TTN: variants seen among roughly 807,000 people sequenced by gnomAD.
TTN encodes the protein connectin.
TTN carries 1,525 observed loss-of-function variants against 3,223.0 expected under a neutral mutation model. The observed-to-expected ratio is 0.47, with a 90% CI of 0.45 to 0.49. The LOEUF is 0.49. TTN is among the 20% of genes least tolerant of loss of function. TTN has a pLI of 0.00. For missense variants in TTN, 40,786 were observed against 43,424.0 expected, an observed-to-expected ratio of 0.94 and a Z score of 5.40; for synonymous variants, 14,094 against 15,161.0, an observed-to-expected ratio of 0.93 and a Z score of 5.17.
chr2:178,533,536 G>T lies in TTN; in HGVS notation c.103079C>A (p.Thr34360Asn). 6.2e-7 allele frequency: 1 copy of T among 1,613,868 alleles called. No homozygotes were observed. The highest frequency in any genetic ancestry group is 8.5e-7 in the Non-Finnish European group (1 of 1,179,834). ...TAACCTTTTGAACATGGGTCTTAAG[G>T]TACTATCTGTTGGAGGTGGGTGTAG... ...VTLHPPPTDS[T>N]LRPMFKRLLA... is the part of the protein sequence containing the mutation. Residue 34360 changes from threonine (T) to asparagine (N), a missense_variant, in exon 358 of 363, where the codon ACC (threonine) becomes AAC (asparagine). Physicochemically the swap from Thr to Asn is moderately conservative, Grantham distance 65. Coordinates refer to ENST00000589042, the MANE Select transcript of TTN (RefSeq NM_001267550.2).
rs772028677 is a variant in TTN, at chr2:178,702,063, A to G, written c.30515T>C (p.Ile10172Thr). The G allele has an allele frequency of 1.2e-6, 2 of 1,609,926 alleles. No individual in the cohort carries two copies. Among genetic ancestry groups the G allele is most frequent in the Non-Finnish European group, 1.7e-6 (2 of 1,178,516 alleles). ...ACCAGGAGGCTTCAGCTCAAGTTTGATTTCTGCAAAATAAAAAAAAAATGA... is the reference window on the plus strand; with the variant it reads ...ACCAGGAGGCTTCAGCTCAAGTTTGGTTTCTGCAAAATAAAAAAAAAATGA... ...TAELYLTTKE[I>T]KLELKPPDIP... The change falls in exon 109 of 363, where the codon ATC (isoleucine) becomes ACC (threonine). Residue 10172 changes from isoleucine (I) to threonine (T), a missense_variant. Physicochemically the swap from Ile to Thr is moderately conservative, Grantham distance 89 (BLOSUM62 -1). Coordinates refer to ENST00000589042, the MANE Select transcript of TTN (RefSeq NM_001267550.2).
In TTN at chr2:178,741,130, T is replaced by C. The variant is rs727503659; in HGVS notation, c.12103A>G (p.Met4035Val). The part of the protein sequence containing the change: ...ELLVLLEDTD[M>V]TDTPCKAKST... ...TTTGCTTTGCAGGGGGTATCAGTCATGTCTGTGTCTTCCAGAAGCACAAGC... is the reference window on the plus strand; with the variant it reads ...TTTGCTTTGCAGGGGGTATCAGTCACGTCTGTGTCTTCCAGAAGCACAAGC... Residue 4035 changes from methionine (M) to valine (V), a missense_variant, in exon 48 of 363, where the codon ATG (methionine) becomes GTG (valine). Physicochemically the swap from Met to Val is conservative, Grantham distance 21. Transcript: ENST00000589042. The C allele has an allele frequency of 3.0e-5, 48 of 1,613,616 alleles. No homozygotes were observed. The highest frequency in any genetic ancestry group is 1.6e-4 in the Middle Eastern group (1 of 6,080).
rs777923620 is a variant in TTN, at chr2:178,776,288, C to A, written c.5576G>T (p.Arg1859Met). ...GTAGCCTGTTACCCTGCAGCGGAAC[C>A]TTGCAGTCTCCCCTTCAAGTACTCT... ...PVRVLEGETA[R>M]FRCRVTGYPQ... Residue 1859 changes from arginine to methionine, a missense_variant, in exon 28 of 363, where the codon AGG becomes ATG. Coordinates refer to ENST00000589042, the MANE Select transcript of TTN (RefSeq NM_001267550.2). 1 of 1,614,096 alleles carries A rather than the reference C, an allele frequency of 6.2e-7. No homozygotes were observed. Among genetic ancestry groups the A allele is most frequent in the Admixed American group, 1.7e-5 (1 of 60,028 alleles).
Position 178,587,736 on chromosome 2 carries a change from A to G in TTN, c.63573T>C (p.Pro21191=), listed in dbSNP as rs1445410904. 1 of 1,612,740 alleles carries G rather than the reference A, an allele frequency of 6.2e-7. No individual in the cohort carries two copies. Among genetic ancestry groups the G allele is most frequent in the East Asian group, 2.2e-5 (1 of 44,650 alleles). Residue 21191 remains proline (P), a synonymous_variant, in exon 306 of 363, where the codon CCT becomes CCC. Transcript: ENST00000589042. Reference sequence around the variant, plus strand: ...CTCTCACTATAGCAAAGAGACGAATAGGGCATCCTGCTCTCACTATGACCA... The same window carrying G: ...CTCTCACTATAGCAAAGAGACGAATGGGGCATCCTGCTCTCACTATGACCA... The part of the protein sequence containing the change: ...RKLVIVRAGC[P]IRLFAIVRGR...
chr2:178,617,501 G>T lies in TTN; in HGVS notation c.47584C>A (p.Pro15862Thr). 1.3e-6 allele frequency: 2 copies of T among 1,585,268 alleles called. No homozygotes were observed. Among genetic ancestry groups the T allele is most frequent in the South Asian group, 1.2e-5 (1 of 84,390 alleles). ...TCTGAGGAAGTTAGGTTTACAGGAGGACTTGGTCTCTCTGGAATAAAAGAA... is the reference window on the plus strand; with the variant it reads ...TCTGAGGAAGTTAGGTTTACAGGAGTACTTGGTCTCTCTGGAATAAAAGAA... ...KVADPIERPS[P>T]PVNLTSSDQT... Residue 15862 changes from proline to threonine, a missense_variant, in exon 254 of 363, where the codon CCT becomes ACT. Pro to Thr is a conservative substitution (Grantham distance 38). Transcript: ENST00000589042.
chr2:178,590,875 T>C lies in TTN; in HGVS notation c.60850A>G (p.Thr20284Ala). Residue 20284 changes from threonine (T) to alanine (A), a missense_variant, in exon 304 of 363, where the codon ACT (threonine) becomes GCT (alanine). Thr to Ala is a moderately conservative substitution (Grantham distance 58). Transcript: ENST00000589042. ...CAAGACACTGTTGCTGCATTTTCAG[T>C]AATGTCAGTAACCACTGGTTTACCA... is the stretch of plus-strand genomic sequence containing the variant. ...PPGKPVVTDITENAATVSWTL... is the reference protein window; with the variant it reads ...PPGKPVVTDIAENAATVSWTL... 7.5e-6 allele frequency: 12 copies of C among 1,610,112 alleles called. No individual in the cohort carries two copies. The highest frequency in any genetic ancestry group is 9.3e-6 in the Non-Finnish European group (11 of 1,176,852).
chr2:178,707,348 G>A (rs2076033354), intron 100 of TTN, among the ~76,000 whole-genome samples, 178 bp downstream of exon 100: 1 of 152,170 alleles, frequency 6.6e-6, no homozygotes, highest in Admixed American at 6.5e-5. Context: ...ACTTTGTATT[G>A]ACATTATTTC....
rs1479425024 is a variant in TTN, at chr2:178,632,381, C to G, written c.43513G>C (p.Asp14505His). The G allele has an allele frequency of 6.3e-7, 1 of 1,598,874 alleles. No homozygotes were observed. The highest frequency in any genetic ancestry group is 8.5e-7 in the Non-Finnish European group (1 of 1,173,038). ...CTTTCCTTCTCTTTGGCAGTTACAT[C>G]TTTGAGAGGGGTGAGGAATTTGAGC... ...IRLKFLTPLK[D>H]VTAKEKESAV... Residue 14505 changes from aspartate (D) to histidine (H), a missense_variant, in exon 236 of 363, where the codon GAT becomes CAT. Physicochemically the swap from Asp to His is moderately conservative, Grantham distance 81. Transcript: ENST00000589042.
At chr2:178,717,912 T>C in intron 86 of TTN, 31 bp downstream of exon 86, 7 of 1,596,948 alleles carry the variant, frequency 4.4e-6, no homozygotes, top group Non-Finnish European at 6.0e-6. Flanking sequence ...ATGAATCTGT[T>C]CACACACACT....
rs568544502 is a variant in TTN, at chr2:178,545,398, T to C, written c.95712A>G (p.Arg31904=). The C allele has an allele frequency of 6.4e-7, 1 of 1,570,692 alleles. No individual in the cohort carries two copies. Among genetic ancestry groups the C allele is most frequent in the African/African-American group, 1.4e-5 (1 of 73,794 alleles). Residue 31904 remains arginine, a synonymous_variant, in exon 344 of 363, where the codon AGA becomes AGG. Coordinates refer to ENST00000589042, the MANE Select transcript of TTN (RefSeq NM_001267550.2). ...ATTCTTGGAGCTCACATGATGGTTCTCTGCATGAGATGAAGTTGGAAGCTT... is the reference window on the plus strand; with the variant it reads ...ATTCTTGGAGCTCACATGATGGTTCCCTGCATGAGATGAAGTTGGAAGCTT... ...PSEASNFISC[R]EPSYTPGPPS... is the part of the protein sequence containing the mutation.
In TTN at chr2:178,729,565, T is replaced by C. The variant is rs999871371; in HGVS notation, c.18591A>G (p.Glu6197=). 1 of 1,611,954 alleles carries C rather than the reference T, an allele frequency of 6.2e-7. No homozygotes were observed. Among genetic ancestry groups the C allele is most frequent in the Non-Finnish European group, 8.5e-7 (1 of 1,178,856 alleles). Residue 6197 remains glutamate, a splice_region_variant and synonymous_variant, in exon 64 of 363, where the codon GAA becomes GAG. Coordinates refer to ENST00000589042, the MANE Select transcript of TTN (RefSeq NM_001267550.2). The part of the protein sequence containing the change: ...ASCSIELKVK[E]PPTFIRELKP... ...TCAGCTCTCTGATAAAGGTGGGGGGTTCTAAAGATTCAAAAGGAAGACAGT... is the reference window on the plus strand; with the variant it reads ...TCAGCTCTCTGATAAAGGTGGGGGGCTCTAAAGATTCAAAAGGAAGACAGT...
At chr2:178,641,497 G>T (rs1387803194) in intron 219 of TTN, 182 bp from the exon 220 acceptor site, 1 of 416,802 alleles carries the variant, frequency 2.4e-6, no homozygotes, top group Non-Finnish European at 4.2e-6. Context: ...AAAATCAAAG[G>T]TTGTCAATTA....
At position 178,706,860 on chromosome 2, in the gene TTN, A is replaced by T; in HGVS notation, c.29134+2T>A. 6.2e-7 allele frequency: 1 copy of T among 1,611,686 alleles called. No individual in the cohort carries two copies. The highest frequency in any genetic ancestry group is 1.1e-5 in the South Asian group (1 of 90,652). On this transcript the variant is annotated splice_donor_variant, in intron 101 of 362. Transcript: ENST00000589042. LOFTEE classifies it high-confidence loss of function. ...GATGTACTTCTCATGAAGTGCACTTACTTTCTACGACTCTGATACTCTGAG... is the reference window on the plus strand; with the variant it reads ...GATGTACTTCTCATGAAGTGCACTTTCTTTCTACGACTCTGATACTCTGAG...
At position 178,740,763 on chromosome 2, in the gene TTN, G is replaced by A. The variant is rs771706692; in HGVS notation, c.12470C>T (p.Ser4157Phe). The A allele has an allele frequency of 7.4e-6, 12 of 1,613,570 alleles. No individual in the cohort carries two copies. The Admixed American group carries it at 1.8e-4, about 25-fold the overall frequency. ...ACCTTCTTTGGAGAAGGTTTTCTGGGACTGTACAATCTGCAGCTGTAGGTT... is the reference window on the plus strand; with the variant it reads ...ACCTTCTTTGGAGAAGGTTTTCTGGAACTGTACAATCTGCAGCTGTAGGTT... ...SPNLQLQIVQ[S>F]QKTFSKEGIL... Residue 4157 changes from serine (S) to phenylalanine (F), a missense_variant, in exon 48 of 363, where the codon TCC (serine) becomes TTC (phenylalanine). Transcript: ENST00000589042.
intron 152 of TTN, 94 bp from the exon 153 acceptor site, chr2:178,672,797 A>G: frequency 9.4e-7 from 1 of 1,060,430 alleles, no homozygotes; most frequent in Non-Finnish European, 1.4e-6. Flanking sequence ...TACAATAATT[A>G]AAGTTTTTCA....
Position 178,790,047 on chromosome 2 carries a change from T to C in TTN, c.1869A>G (p.Gln623=), listed in dbSNP as rs750034931. 2.5e-6 allele frequency: 4 copies of C among 1,613,194 alleles called. No homozygotes were observed. The African/African-American group carries it at 5.3e-5, about 22-fold the overall frequency. The part of the protein sequence containing the change: ...VIVATPKVKE[Q]DLVSRGREGI... ...CTTCTCTACCTCTTGATACTAAATC[T>C]TGTTCTTTGACTTTGGGTGTGGCAA... Residue 623 remains glutamine (Q), a synonymous_variant, in exon 12 of 363, where the codon CAA becomes CAG. Coordinates refer to ENST00000589042, the MANE Select transcript of TTN (RefSeq NM_001267550.2).
chr2:178,584,191 G>T, intron 311 of TTN, 85 bp downstream of exon 311: 1 of 1,437,080 alleles, frequency 7.0e-7, no homozygotes, highest in Non-Finnish European at 9.3e-7. Context: ...TCTGTGTCTT[G>T]GAGTCCAAAT....
intron 46 of TTN, among the ~76,000 whole-genome samples, chr2:178,754,577 C>T (rs1393259330): frequency 6.6e-6 from 1 of 152,100 alleles, no homozygotes; most frequent in Non-Finnish European, 1.5e-5. Flanking sequence ...TTTCTCCCAC[C>T]TTCACAACAC....
rs1485952946 is a variant in TTN, at chr2:178,577,114, G to T, written c.69221C>A (p.Ser23074Tyr). Residue 23074 changes from serine to tyrosine, a missense_variant, in exon 324 of 363, where the codon TCC becomes TAC. Coordinates refer to ENST00000589042, the MANE Select transcript of TTN (RefSeq NM_001267550.2). ...GGTTTCTCTCTTTTCAAGTATATAG[G>T]ACTTAATTGGTGAGCCGCCATCTTC... is the stretch of plus-strand genomic sequence containing the variant. ...PLEDGGSPIK[S>Y]YILEKRETSR... The T allele has an allele frequency of 1.2e-6, 2 of 1,613,162 alleles. No homozygotes were observed. The highest frequency in any genetic ancestry group is 1.7e-6 in the Non-Finnish European group (2 of 1,179,520).
Sources: gnomAD v4.1 joint callset for allele counts (sites outside exome capture counted in the v4.1 genomes callset) on GRCh38, gnomAD v4.1.1 for gene constraint, MANE v1.5 for transcripts, NCBI Gene and HGNC (gene_info 2026-07-23, HGNC 2026-07-21) for gene names.